The following ZKSCAN2 variants were observed in gnomAD, a reference collection of about 807,000 sequenced individuals.
The protein encoded by ZKSCAN2 is zinc finger with KRAB and SCAN domains 2, also known as zinc finger protein with KRAB and SCAN domains 2.
In ZKSCAN2, 38 loss-of-function variants were observed where a neutral mutation model predicts 90.5. The observed-to-expected ratio is 0.42, with a 90% CI of 0.32 to 0.55. The LOEUF (loss-of-function observed/expected upper bound fraction) is 0.55. Ranked by LOEUF, ZKSCAN2 falls within the 20% of genes least tolerant of loss-of-function variation. The pLI, the probability that ZKSCAN2 is intolerant of heterozygous loss-of-function variation, is 0.11. For missense variants in ZKSCAN2, 1,167 were observed against 1,202.6 expected, an observed-to-expected ratio of 0.97 and a Z score of 0.44; for synonymous variants, 429 against 421.6, an observed-to-expected ratio of 1.02 and a Z score of -0.22.
intron 5 of ZKSCAN2, among the ~76,000 whole-genome samples, chr16:25,245,696 G>A (rs1198743391): frequency 6.6e-6 from 1 of 151,746 alleles, no homozygotes; most frequent in Non-Finnish European, 1.5e-5. Flanking sequence ...AACTCACCCA[G>A]GAGGAGGAGG....
rs1962890729 is a variant in ZKSCAN2 at position 25,243,919 on chromosome 16, G to A, written c.1847C>T (p.Pro616Leu). 6.2e-7 allele frequency: 1 copy of A among 1,614,128 alleles called. No individual in the cohort carries two copies. The highest frequency in any genetic ancestry group is 2.2e-5 in the East Asian group (1 of 44,878). Residue 616 changes from proline to leucine, a missense_variant, in exon 6 of 7, where the codon CCT becomes CTT. Coordinates refer to ENST00000328086, the MANE Select transcript of ZKSCAN2 (RefSeq NM_001012981.5). ...GGTCTCTTCAGGTTCCCAGCCTGTA[G>A]GTTCCTGGGGTTCAACCTCAATACC... is the stretch of plus-strand genomic sequence containing the variant. Reference protein sequence around the residue: ...RGGIEVEPQEPTGWEPEETSQ... With the variant: ...RGGIEVEPQELTGWEPEETSQ...
intron 5 of ZKSCAN2, among the ~76,000 whole-genome samples, chr16:25,244,732 C>T (rs921080870): frequency 5.3e-5 from 8 of 152,148 alleles, no homozygotes; most frequent in African/African-American, 1.9e-4. Context: ...GAACTTTCCC[C>T]CTCAAATTTC....
chr16:25,251,995 T>C lies in ZKSCAN2; in HGVS notation c.719A>G (p.Tyr240Cys), dbSNP rs745440078. 6.8e-6 allele frequency: 11 copies of C among 1,614,074 alleles called. No individual in the cohort carries two copies. In the South Asian group the frequency reaches 1.1e-4, roughly 16 times the overall value. The change falls in exon 4 of 7, where the codon TAC (tyrosine) becomes TGC (cysteine). Residue 240 changes from tyrosine to cysteine, a missense_variant. By Grantham distance (194) the Tyr-to-Cys change is radical. Transcript: ENST00000328086. ...KDVHVARGFS[Y>C]RKSVHQIPAQ... ...AGGAATCTGATGCACACTCTTTCTGTAGGAAAAGCCTCTGGCCACGTGGAC... is the reference window on the plus strand; with the variant it reads ...AGGAATCTGATGCACACTCTTTCTGCAGGAAAAGCCTCTGGCCACGTGGAC...
At chr16:25,241,111 A>C (rs1021989530) in intron 6 of ZKSCAN2, among the ~76,000 whole-genome samples, 2 of 152,250 alleles carry the variant, frequency 1.3e-5, no homozygotes, top group African/African-American at 4.8e-5. Context: ...ATTCTGACTA[A>C]GTCCAAGTTC....
At chr16:25,248,034 C>T (rs563975243) in intron 4 of ZKSCAN2, among the ~76,000 whole-genome samples, 1 of 152,238 alleles carries the variant, frequency 6.6e-6, no homozygotes, top group African/African-American at 2.4e-5. Context: ...GCTCGGAAAA[C>T]TGGATATCCA....
At position 25,239,424 on chromosome 16, in the gene ZKSCAN2, A is replaced by T; in HGVS notation, c.*392T>A. The T allele has an allele frequency of 6.1e-6, 1 of 162,842 alleles. No individual in the cohort carries two copies. 10.1% of individuals were successfully genotyped at this position (162,842 alleles called of 1,614,324 possible). Reference sequence around the variant, plus strand: ...ATGTGAAAATCTGTTATCAAGTTTCATCCAGGATCTCACGGAGTAGGTAAT... The same window carrying T: ...ATGTGAAAATCTGTTATCAAGTTTCTTCCAGGATCTCACGGAGTAGGTAAT... On this transcript the variant is annotated 3_prime_UTR_variant, in exon 7 of 7. Coordinates refer to ENST00000328086, the MANE Select transcript of ZKSCAN2 (RefSeq NM_001012981.5).
At chr16:25,249,654 A>AC (rs1962989147) in intron 4 of ZKSCAN2, among the ~76,000 whole-genome samples, 1 of 152,154 alleles carries the variant, frequency 6.6e-6, no homozygotes, top group South Asian at 2.1e-4. Context: ...ATCACATTGT[A>AC]CCCCATAAAT....
rs1424519502 is a variant in ZKSCAN2, at chr16:25,237,240, AAAAC to A, written c.*2572_*2575del. ...CATTTTGACTTACATGTACCAGGTG[AAAAC>A]AAATAAAATGCAGGGAGACAGGTAG... On this transcript the variant is annotated 3_prime_UTR_variant, in exon 7 of 7. Transcript: ENST00000328086. 6.6e-6 allele frequency: 1 copy of A among 152,228 alleles called. No homozygotes were observed. The highest frequency in any genetic ancestry group is 1.9e-4 in the East Asian group (1 of 5,196). 9.4% of individuals were successfully genotyped at this position (152,228 alleles called of 1,614,324 possible). A position where few individuals can be genotyped will look rare whatever the true frequency, so the allele number is the denominator to read the frequency against.
At chr16:25,253,523 G>A (rs1963052170) in intron 2 of ZKSCAN2, among the ~76,000 whole-genome samples, 1 of 151,778 alleles carries the variant, frequency 6.6e-6, no homozygotes, top group Non-Finnish European at 1.5e-5. Flanking sequence ...ATTTGGGGAG[G>A]CATAAAACAG....
At chr16:25,252,244 T>C (rs939640800) in intron 3 of ZKSCAN2, among the ~76,000 whole-genome samples, 1 of 152,178 alleles carries the variant, frequency 6.6e-6, no homozygotes, top group Non-Finnish European at 1.5e-5. Context: ...CTCAGAAGAC[T>C]GGGTCCCATC....
chr16:25,237,176 A>G lies in ZKSCAN2; in HGVS notation c.*2640T>C, dbSNP rs1381526585. On this transcript the variant is annotated 3_prime_UTR_variant, in exon 7 of 7. Transcript: ENST00000328086. ...TATGAATCTTCATAAAGGCAATGTTATGTGATCTAAAAGACACATTGGTCA... is the reference window on the plus strand; with the variant it reads ...TATGAATCTTCATAAAGGCAATGTTGTGTGATCTAAAAGACACATTGGTCA... 6.6e-6 allele frequency: 1 copy of G among 152,372 alleles called. No homozygotes were observed. Among genetic ancestry groups the G allele is most frequent in the East Asian group, 1.9e-4 (1 of 5,206 alleles). 9.4% of individuals were successfully genotyped at this position (152,372 alleles called of 1,614,324 possible).
chr16:25,243,785 C>G lies in ZKSCAN2; in HGVS notation c.1981G>C (p.Asp661His). The change falls in exon 6 of 7, where the codon GAT becomes CAT. Residue 661 changes from aspartate to histidine, a missense_variant and splice_region_variant. By Grantham distance (81) the Asp-to-His change is moderately conservative. Transcript: ENST00000328086. The part of the protein sequence containing the change: ...GPPGLLQSPN[D>H]FEIGSSIKED... ...AAAACTCCTTGGTTTTGCACCTTAC[C>G]ATTTGGGCTCTGCAGTAGACCTGGA... 1 of 1,605,768 alleles carries G rather than the reference C, an allele frequency of 6.2e-7. No homozygotes were observed. The highest frequency in any genetic ancestry group is 8.5e-7 in the Non-Finnish European group (1 of 1,176,764).
At chr16:25,242,305 C>A (rs1664233212) in intron 6 of ZKSCAN2, among the ~76,000 whole-genome samples, 2 of 152,196 alleles carry the variant, frequency 1.3e-5, no homozygotes, top group African/African-American at 4.8e-5. Context: ...ACAAGATTCA[C>A]AAGGACTTTG....
In ZKSCAN2 at chr16:25,246,786, A is replaced by G; in HGVS notation, c.1410T>C (p.Ser470=). The part of the protein sequence containing the change: ...LVEEEEAAED[S]DDDEIGIEFI... ...ATTCGATGCCTATTTCATCATCATC[A>G]GAATCTTCTGCAGCTTCCTCCTCCT... The change falls in exon 5 of 7, where the codon TCT becomes TCC. Residue 470 remains serine (S), a synonymous_variant. Transcript: ENST00000328086. 1 of 1,614,204 alleles carries G rather than the reference A, an allele frequency of 6.2e-7. No homozygotes were observed. Among genetic ancestry groups the G allele is most frequent in the Non-Finnish European group, 8.5e-7 (1 of 1,180,048 alleles).
At position 25,243,974 on chromosome 16, in the gene ZKSCAN2, C is replaced by T. The variant is rs745934236; in HGVS notation, c.1792G>A (p.Val598Ile). The T allele has an allele frequency of 1.2e-6, 2 of 1,614,074 alleles. No homozygotes were observed. Among genetic ancestry groups the T allele is most frequent in the Non-Finnish European group, 1.7e-6 (2 of 1,180,040 alleles). The change falls in exon 6 of 7, where the codon GTC (valine) becomes ATC (isoleucine). Residue 598 changes from valine to isoleucine, a missense_variant. By Grantham distance (29) the Val-to-Ile change is conservative (BLOSUM62 3). Coordinates refer to ENST00000328086, the MANE Select transcript of ZKSCAN2 (RefSeq NM_001012981.5). ...CTTTCTTGCCTTGAAGGTGATGGGA[C>T]TTCCTCTGGGGTGCTGGGGGAAGGA... ...SAPSPSTPEEVPSPSRQERGG... is the reference protein window; with the variant it reads ...SAPSPSTPEEIPSPSRQERGG...
rs1294686205 is a variant in ZKSCAN2, at chr16:25,255,544, G to GA, written c.400-153dup. 2.3e-5 allele frequency: 18 copies of GA among 777,572 alleles called. No individual in the cohort carries two copies. In the African/African-American group the frequency reaches 2.8e-4, roughly 12 times the overall value. The allele number at this position is 777,572 out of a possible 1,614,324, so 48.2% of individuals were successfully genotyped here. On this transcript the variant is annotated intron_variant, in intron 1 of 6. Transcript: ENST00000328086. ...GTGGAGTCTCTGAGAGCGCTGGGCTGAGAGTACTGTCCAGCAGTCTGGGTG... is the reference window on the plus strand; with the variant it reads ...GTGGAGTCTCTGAGAGCGCTGGGCTGAAGAGTACTGTCCAGCAGTCTGGGTG...
At chr16:25,241,773 CCA>C (rs1423365959) in intron 6 of ZKSCAN2, among the ~76,000 whole-genome samples, 1 of 152,192 alleles carries the variant, frequency 6.6e-6, no homozygotes, top group Non-Finnish European at 1.5e-5. Context: ...TCAGTAGAAA[CCA>C]CAGATAACTC....
Position 25,257,512 on chromosome 16 carries a change from G to C in ZKSCAN2, c.-385C>G. 1 of 993,458 alleles carries C rather than the reference G, an allele frequency of 1.0e-6. No homozygotes were observed. The highest frequency in any genetic ancestry group is 1.2e-6 in the Non-Finnish European group (1 of 835,752). 61.5% of individuals were successfully genotyped at this position (993,458 alleles called of 1,614,324 possible). Reference sequence around the variant, plus strand: ...GGAGGGGGTGTGTCCGCTACTCCCGGGTCGGGCGCGGAGAGGCGAGTCCCC... The same window carrying C: ...GGAGGGGGTGTGTCCGCTACTCCCGCGTCGGGCGCGGAGAGGCGAGTCCCC... On this transcript the variant is annotated 5_prime_UTR_variant, in exon 1 of 7. Transcript: ENST00000328086.
At chr16:25,241,303 C>T (rs1014745834) in intron 6 of ZKSCAN2, among the ~76,000 whole-genome samples, 1 of 152,224 alleles carries the variant, frequency 6.6e-6, no homozygotes, top group Non-Finnish European at 1.5e-5. Context: ...TTTTCACCTA[C>T]ATCCCACGTT....
Sources: gnomAD v4.1 joint callset for allele counts (sites outside exome capture counted in the v4.1 genomes callset) on GRCh38, gnomAD v4.1.1 for gene constraint, MANE v1.5 for transcripts, NCBI Gene and HGNC (gene_info 2026-07-23, HGNC 2026-07-21) for gene names.